The following TRNT1 variants were observed in gnomAD, a reference collection of about 807,000 sequenced individuals.
TRNT1 encodes tRNA nucleotidyl transferase 1.
In TRNT1, 44 loss-of-function variants were observed where a neutral mutation model predicts 45.6. That is an observed-to-expected ratio of 0.97 (90% CI 0.76 to 1.24). The LOEUF (loss-of-function observed/expected upper bound fraction) is 1.24. Ranked by LOEUF, TRNT1 falls within the 50% of genes most tolerant of loss-of-function variation. The pLI is 0.00. For missense variants in TRNT1, 633 were observed against 504.4 expected, an observed-to-expected ratio of 1.25 and a Z score of -2.44; for synonymous variants, 201 against 171.4, an observed-to-expected ratio of 1.17 and a Z score of -1.35.
At chr3:3,149,042 A>ATAAT (rs1706280434), downstream of TRNT1, 3 of 151,918 alleles carry the variant, frequency 2.0e-5, no homozygotes, top group Non-Finnish European at 4.4e-5. Flanking sequence ...TTCAGCTGCT[A>ATAAT]TAATTTCAGC....
intron 2 of TRNT1, 65 bp downstream of exon 2, chr3:3,129,253 T>A: frequency 1.5e-6 from 2 of 1,366,118 alleles, no homozygotes; most frequent in Non-Finnish European, 2.0e-6. Flanking sequence ...GAGGGTTAAC[T>A]TTTTAAGCCA....
downstream of TRNT1, chr3:3,152,718 A>G: frequency 9.2e-7 from 1 of 1,089,956 alleles, no homozygotes; most frequent in Non-Finnish European, 1.4e-6. Flanking sequence ...TCAGTTTTAT[A>G]TAATACCAGG....
intron 3 of TRNT1, 131 bp downstream of exon 3, chr3:3,137,584 C>A: frequency 3.1e-6 from 2 of 636,928 alleles, no homozygotes; most frequent in Non-Finnish European, 5.2e-6. Context: ...CGTCATAAAC[C>A]CTGCAGTCCT....
chr3:3,134,705 T>C (rs1002299331), intron 2 of TRNT1, among the ~76,000 whole-genome samples: 1 of 152,072 alleles, frequency 6.6e-6, no homozygotes, highest in African/African-American at 2.4e-5. Flanking sequence ...TACTTACCAG[T>C]GAAGTCATTC....
At chr3:3,151,781 G>GGGAACTGA (rs201226334), downstream of TRNT1, among the ~76,000 whole-genome samples, 2,932 of 152,088 alleles carry the variant, frequency 0.019, 87 homozygotes, top group African/African-American at 0.066. Flanking sequence ...GTACAGCTGA[G>GGGAACTGA]GGAACTGAAC....
chr3:3,132,965 G>C (rs1705107721), intron 2 of TRNT1, among the ~76,000 whole-genome samples: 1 of 152,122 alleles, frequency 6.6e-6, no homozygotes, highest in Admixed American at 6.5e-5. Context: ...CAACAAGTTA[G>C]AATGTCAAAG....
intron 4 of TRNT1, 53 bp downstream of exon 4, chr3:3,140,701 C>T: frequency 1.3e-6 from 2 of 1,566,826 alleles, no homozygotes; most frequent in South Asian, 2.3e-5. Context: ...GCCTTCTTTT[C>T]AAGTAAAACC....
chr3:3,137,447 T>C lies in TRNT1; in HGVS notation c.336T>C (p.Thr112=), dbSNP rs748073283. ...NNRGEKHGTI[T]ARLHEENFEI... ...GAGGAGAAAAGCACGGAACAATTAC[T>C]GCCAGGGTGAGTCAAAAGTTTGACA... is the stretch of plus-strand genomic sequence containing the variant. Residue 112 remains threonine (T), a synonymous_variant, in exon 3 of 8, where the codon ACT becomes ACC. Coordinates refer to ENST00000251607, the MANE Select transcript of TRNT1 (RefSeq NM_182916.3). 1.3e-6 allele frequency: 2 copies of C among 1,598,088 alleles called. No homozygotes were observed. The highest frequency in any genetic ancestry group is 2.7e-5 in the African/African-American group (2 of 73,982).
At chr3:3,128,088 G>T (rs962259085) in intron 1 of TRNT1, 1 of 152,228 alleles carries the variant, frequency 6.6e-6, no homozygotes, top group Non-Finnish European at 1.5e-5. Flanking sequence ...TTACCCATAA[G>T]ATCTGAGTCC....
chr3:3,143,533 T>C (rs1041501962), intron 4 of TRNT1, among the ~76,000 whole-genome samples: 5 of 152,324 alleles, frequency 3.3e-5, no homozygotes, highest in African/African-American at 9.6e-5. Context: ...TTGCTAACAC[T>C]GTTATCAAGT....
chr3:3,142,711 T>C (rs910166774), intron 4 of TRNT1, among the ~76,000 whole-genome samples: 1 of 152,252 alleles, frequency 6.6e-6, no homozygotes, highest in African/African-American at 2.4e-5. Flanking sequence ...CATATTCCTA[T>C]GATTTTTTCC....
intron 4 of TRNT1, among the ~76,000 whole-genome samples, chr3:3,141,834 T>G (rs959699553): frequency 2.0e-5 from 3 of 152,190 alleles, no homozygotes; most frequent in African/African-American, 7.2e-5. Context: ...TCTTGCTGAT[T>G]ACAGTAATGA....
chr3:3,149,241 A>C (rs1706297168), downstream of TRNT1: 1 of 152,104 alleles, frequency 6.6e-6, no homozygotes, highest in Non-Finnish European at 1.5e-5. Flanking sequence ...CAGGTCAGTA[A>C]TTAGATGCAT....
Position 3,146,643 on chromosome 3 carries a change from T to C in TRNT1, c.802+20T>C. ...ATATAGGTGAGAGCAAGTTATAAAG[T>C]GTTTGAATTTTTGGCAGTGAAATAT... On this transcript the variant is annotated intron_variant, in intron 6 of 7. Coordinates refer to ENST00000251607, the MANE Select transcript of TRNT1 (RefSeq NM_182916.3). 2 of 1,514,844 alleles carry C rather than the reference T, an allele frequency of 1.3e-6. No individual in the cohort carries two copies. The highest frequency in any genetic ancestry group is 1.8e-6 in the Non-Finnish European group (2 of 1,130,024). The allele number at this position is 1,514,844 out of a possible 1,614,324, so 93.8% of individuals were successfully genotyped here.
rs755030575 is a variant in TRNT1, at chr3:3,146,639, A to G, written c.802+16A>G. Reference sequence around the variant, plus strand: ...CCTTATATAGGTGAGAGCAAGTTATAAAGTGTTTGAATTTTTGGCAGTGAA... The same window carrying G: ...CCTTATATAGGTGAGAGCAAGTTATGAAGTGTTTGAATTTTTGGCAGTGAA... On this transcript the variant is annotated intron_variant, in intron 6 of 7. Coordinates refer to ENST00000251607, the MANE Select transcript of TRNT1 (RefSeq NM_182916.3). 1.8e-5 allele frequency: 28 copies of G among 1,524,566 alleles called. 1 individual carries two copies. In the Middle Eastern group the frequency reaches 8.8e-4, roughly 48 times the overall value. The allele number at this position is 1,524,566 out of a possible 1,614,324, so 94.4% of individuals were successfully genotyped here.
chr3:3,149,876 A>G (rs1706370006), downstream of TRNT1: 1 of 152,088 alleles, frequency 6.6e-6, no homozygotes, highest in East Asian at 1.9e-4. Flanking sequence ...CAATAAAACG[A>G]AAGTTATCAT....
Position 3,129,818 on chromosome 3 carries a change from C to A in TRNT1, c.148+630C>A, listed in dbSNP as rs334768. 0.6 allele frequency: 904,489 copies of A among 1,506,094 alleles called. 283,993 individuals carry two copies. Among genetic ancestry groups the A allele is most frequent in the Middle Eastern group, 0.68 (4,000 of 5,896 alleles). The allele number at this position is 1,506,094 out of a possible 1,614,324, so 93.3% of individuals were successfully genotyped here. A position where few individuals can be genotyped will look rare whatever the true frequency, so the allele number is the denominator to read the frequency against. On this transcript the variant is annotated intron_variant, in intron 2 of 7. Coordinates refer to ENST00000251607, the MANE Select transcript of TRNT1 (RefSeq NM_182916.3). ...ATTGTTAGGCATGTGAAGTGCTTTGCCTGTGTTTCTGTAACTACTAACTAG... is the reference window on the plus strand; with the variant it reads ...ATTGTTAGGCATGTGAAGTGCTTTGACTGTGTTTCTGTAACTACTAACTAG...
intron 1 of TRNT1, among the ~76,000 whole-genome samples, chr3:3,128,473 C>T (rs2126000393): frequency 6.6e-6 from 1 of 152,102 alleles, no homozygotes; most frequent in East Asian, 1.9e-4. Context: ...GTGGTGTGCG[C>T]CTGTAATCCC....
At chr3:3,149,883 T>TCATACAAA (rs1706371568), downstream of TRNT1, 1 of 152,112 alleles carries the variant, frequency 6.6e-6, no homozygotes, top group Non-Finnish European at 1.5e-5. Context: ...ACGAAAGTTA[T>TCATACAAA]CATACAAATG....
Sources: gnomAD v4.1 joint callset for allele counts (sites outside exome capture counted in the v4.1 genomes callset) on GRCh38, gnomAD v4.1.1 for gene constraint, MANE v1.5 for transcripts, NCBI Gene and HGNC (gene_info 2026-07-23, HGNC 2026-07-21) for gene names.